Variants in COL5A2 observed in about 807,000 individuals in gnomAD.
COL5A2 encodes collagen alpha-2(V) chain.
Under a neutral mutation model 208.2 loss-of-function variants are expected in COL5A2, and 23 were observed. The observed-to-expected ratio is 0.11, with a 90% confidence interval of 0.08 to 0.16. COL5A2 has a LOEUF of 0.16. COL5A2 is among the 10% of genes least tolerant of loss of function. COL5A2 has a pLI of 1.00. For missense variants in COL5A2, 1,590 were observed against 1,956.4 expected, an observed-to-expected ratio of 0.81 and a Z score of 3.53; for synonymous variants, 625 against 628.5, an observed-to-expected ratio of 0.99 and a Z score of 0.08.
At chr2:189,369,750 T>C in the COL5A2 span, among the ~76,000 whole-genome samples, 1 of 152,204 alleles carries the variant, frequency 6.6e-6, no homozygotes, top group Non-Finnish European at 1.5e-5. Flanking sequence ...AATATATTTG[T>C]AATAGCTTCA....
the COL5A2 span, among the ~76,000 whole-genome samples, chr2:189,291,597 G>A: frequency 3.3e-5 from 5 of 152,002 alleles, no homozygotes; most frequent in Admixed American, 3.3e-4. Context: ...CAGAGTAGGT[G>A]TTACTTTCAT....
intron 40 of COL5A2, 96 bp from the exon 41 acceptor site, chr2:189,052,321 T>C: frequency 8.9e-7 from 1 of 1,126,076 alleles, no homozygotes; most frequent in Admixed American, 1.8e-5. Flanking sequence ...ACTGAAGCCT[T>C]TAGATTTCCT....
At chr2:189,383,093 A>G in the COL5A2 span, among the ~76,000 whole-genome samples, 1 of 152,228 alleles carries the variant, frequency 6.6e-6, no homozygotes, top group African/African-American at 2.4e-5. Flanking sequence ...GTACATTTTT[A>G]CTAACATAAG....
the COL5A2 span, among the ~76,000 whole-genome samples, chr2:189,248,829 C>T: frequency 1.3e-5 from 2 of 151,924 alleles, no homozygotes; most frequent in Admixed American, 6.5e-5. Context: ...AACTATCTGG[C>T]CATTTTGCAT....
chr2:189,072,609 T>A (rs1057026492), intron 17 of COL5A2, among the ~76,000 whole-genome samples: 11 of 151,878 alleles, frequency 7.2e-5, no homozygotes, highest in Non-Finnish European at 1.5e-4. Flanking sequence ...CAGTCTCTAC[T>A]AAAAATACAA....
At chr2:189,108,924 T>C (rs1302506675) in intron 2 of COL5A2, among the ~76,000 whole-genome samples, 1 of 151,884 alleles carries the variant, frequency 6.6e-6, no homozygotes, top group Admixed American at 6.6e-5. Flanking sequence ...CCATTACTTA[T>C]TTCTGCTTTA....
At chr2:189,149,995 C>A (rs1688113978) in intron 1 of COL5A2, among the ~76,000 whole-genome samples, 1 of 152,240 alleles carries the variant, frequency 6.6e-6, no homozygotes, top group Non-Finnish European at 1.5e-5. Flanking sequence ...AAGCTTGGTA[C>A]AATGCAAGGG....
the COL5A2 span, among the ~76,000 whole-genome samples, chr2:189,350,438 G>A: frequency 6.6e-6 from 1 of 152,088 alleles, no homozygotes; most frequent in Non-Finnish European, 1.5e-5. Context: ...AAAGAATACA[G>A]TCAATAACCA....
At chr2:189,422,369 T>C in the COL5A2 span, among the ~76,000 whole-genome samples, 2 of 151,896 alleles carry the variant, frequency 1.3e-5, no homozygotes, top group Non-Finnish European at 2.9e-5. Context: ...ATTTTGGAAC[T>C]AAAAAAATGC....
intron 1 of COL5A2, among the ~76,000 whole-genome samples, chr2:189,139,097 C>T (rs1443614310): frequency 6.6e-6 from 1 of 151,900 alleles, no homozygotes; most frequent in African/African-American, 2.4e-5. Context: ...GGACAAATAC[C>T]ACCCCAGACA....
At chr2:189,191,158 A>AAACC (rs764677628) in intron 1 of COL5A2, among the ~76,000 whole-genome samples, 1 of 130,742 alleles carries the variant, frequency 7.6e-6, no homozygotes, top group Non-Finnish European at 1.6e-5. Flanking sequence ...AAAACAAAAA[A>AAACC]CAAACAAACA....
At chr2:189,060,001 C>A in intron 31 of COL5A2, among the ~76,000 whole-genome samples, 1 of 152,032 alleles carries the variant, frequency 6.6e-6, no homozygotes, top group East Asian at 1.9e-4. Context: ...CTATTTTCCC[C>A]AAATTACATT....
chr2:189,086,112 C>T (rs1686655026), intron 9 of COL5A2, among the ~76,000 whole-genome samples: 5 of 152,152 alleles, frequency 3.3e-5, no homozygotes, highest in African/African-American at 9.7e-5. Flanking sequence ...TTTCTAGTCA[C>T]TGATAGCTTG....
Position 189,035,096 on chromosome 2 carries a change from G to C in COL5A2, c.4173C>G (p.Arg1391=), listed in dbSNP as rs148590409. 206 of 1,613,826 alleles carry C rather than the reference G, an allele frequency of 1.3e-4. No homozygotes were observed. The African/African-American group carries it at 2.5e-3, about 20-fold the overall frequency. ...TCTGGGAGGCTTCTTTTGATAAAAG[G>C]CGCAAAAAAGTCATCTGAGTAATGG... ...NTAITQMTFL[R]LLSKEASQNI... is the part of the protein sequence containing the mutation. The change falls in exon 53 of 54, where the codon CGC becomes CGG. Residue 1391 remains arginine, a synonymous_variant. Coordinates refer to ENST00000374866, the MANE Select transcript of COL5A2 (RefSeq NM_000393.5).
At chr2:189,357,102 G>A in the COL5A2 span, among the ~76,000 whole-genome samples, 585 of 152,278 alleles carry the variant, frequency 3.8e-3, 6 homozygotes, top group African/African-American at 0.013. Flanking sequence ...TCCTTCCTCT[G>A]GAAGCTTTGT....
At chr2:189,066,646 T>C in intron 22 of COL5A2, 83 bp downstream of exon 22, 2 of 1,357,764 alleles carry the variant, frequency 1.5e-6, no homozygotes, top group Non-Finnish European at 2.1e-6. Flanking sequence ...TTCTCATTAT[T>C]ATTTTAAACC....
chr2:189,049,387 G>A lies in COL5A2; in HGVS notation c.3107C>T (p.Pro1036Leu). The change falls in exon 44 of 54, where the codon CCC (proline) becomes CTC (leucine). Residue 1036 changes from proline (P) to leucine (L), a missense_variant. Pro to Leu is a moderately conservative substitution (Grantham distance 98). Transcript: ENST00000374866. ...CCCTACAGGACCATTGGAGCCTGGG[G>A]GCCCCACAGGTCCAGGTGGACCTTT... ...GDKGPPGPVG[P>L]PGSNGPVGEP... 6 of 1,613,526 alleles carry A rather than the reference G, an allele frequency of 3.7e-6. No individual in the cohort carries two copies. The highest frequency in any genetic ancestry group is 5.1e-6 in the Non-Finnish European group (6 of 1,179,776).
chr2:189,402,128 T>G, the COL5A2 span, among the ~76,000 whole-genome samples: 4 of 152,356 alleles, frequency 2.6e-5, no homozygotes, highest in South Asian at 8.3e-4. Flanking sequence ...ATCTTTGTCA[T>G]GAAATTTTTG....
Position 189,041,682 on chromosome 2 carries a change from G to A in COL5A2, c.3537C>T (p.Gly1179=). Reference sequence around the variant, plus strand: ...CTTCTTTACCTGAAGGACCAACTGGGCCTGGAGGACCCTGCAAGAAACAAA... The same window carrying A: ...CTTCTTTACCTGAAGGACCAACTGGACCTGGAGGACCCTGCAAGAAACAAA... ...PGPFGPRGPP[G]PVGPSGKEGN... Residue 1179 remains glycine, a synonymous_variant, in exon 50 of 54, where the codon GGC becomes GGT. Transcript: ENST00000374866. 1.2e-6 allele frequency: 2 copies of A among 1,613,668 alleles called. No individual in the cohort carries two copies. Among genetic ancestry groups the A allele is most frequent in the Non-Finnish European group, 1.7e-6 (2 of 1,179,586 alleles).
Sources: gnomAD v4.1 joint callset for allele counts (sites outside exome capture counted in the v4.1 genomes callset) on GRCh38, gnomAD v4.1.1 for gene constraint, MANE v1.5 for transcripts, NCBI Gene and HGNC (gene_info 2026-07-23, HGNC 2026-07-21) for gene names.